The following ATP8A2 variants were observed in gnomAD, a reference collection of about 807,000 sequenced individuals.
ATP8A2 encodes the protein phospholipid-transporting ATPase IB.
ATP8A2 carries 100 observed loss-of-function variants against 165.6 expected under a neutral mutation model. The ratio of observed to expected loss-of-function variants is 0.60; its 90% CI spans 0.51 to 0.71. The LOEUF (loss-of-function observed/expected upper bound fraction) is 0.71. ATP8A2 is among the 30% of genes least tolerant of loss of function. The pLI is 0.00. For synonymous variants in ATP8A2, 543 were observed against 548.8 expected (o/e 0.99, Z 0.15); for missense variants, 1,227 against 1,479.5 (o/e 0.83, Z 2.80).
At chr13:25,958,197 A>T (rs938171217) in intron 33 of ATP8A2, among the ~76,000 whole-genome samples, 1 of 151,934 alleles carries the variant, frequency 6.6e-6, no homozygotes, top group Non-Finnish European at 1.5e-5. Context: ...TTTCTAATGT[A>T]GGTGATGGGT....
At chr13:25,907,540 T>G (rs1204225715) in intron 33 of ATP8A2, among the ~76,000 whole-genome samples, 1 of 152,182 alleles carries the variant, frequency 6.6e-6, no homozygotes, top group Non-Finnish European at 1.5e-5. Context: ...AGAGGTTTAT[T>G]GACTGAGCCA....
intron 33 of ATP8A2, among the ~76,000 whole-genome samples, chr13:25,922,219 A>C (rs1033003686): frequency 6.6e-6 from 1 of 152,224 alleles, no homozygotes; most frequent in African/African-American, 2.4e-5. Flanking sequence ...CTCTGTGGTC[A>C]GTTTATTATG....
intron 25 of ATP8A2, among the ~76,000 whole-genome samples, chr13:25,739,502 C>T (rs904505795): frequency 1.3e-5 from 2 of 151,926 alleles, no homozygotes; most frequent in Non-Finnish European, 2.9e-5. Context: ...GAGGTTTTCT[C>T]TTTTTATTTT....
intron 1 of ATP8A2, among the ~76,000 whole-genome samples, chr13:25,431,256 T>C (rs1303072461): frequency 6.6e-6 from 1 of 152,058 alleles, no homozygotes; most frequent in Admixed American, 6.5e-5. Flanking sequence ...TTCAAGTGAT[T>C]CTCCTGCCCA....
chr13:25,526,079 C>T (rs1163420884), intron 2 of ATP8A2, among the ~76,000 whole-genome samples: 1 of 151,958 alleles, frequency 6.6e-6, no homozygotes, highest in African/African-American at 2.4e-5. Context: ...CATTCTCCTA[C>T]TGACAGCCTC....
intron 24 of ATP8A2, among the ~76,000 whole-genome samples, chr13:25,660,429 C>T (rs966851476): frequency 1.3e-5 from 2 of 152,112 alleles, no homozygotes; most frequent in Non-Finnish European, 2.9e-5. Flanking sequence ...TGAATAGACA[C>T]CCAGAGGGCA....
At chr13:25,776,635 C>T (rs2044748350) in intron 27 of ATP8A2, among the ~76,000 whole-genome samples, 2 of 152,128 alleles carry the variant, frequency 1.3e-5, no homozygotes, top group South Asian at 4.1e-4. Context: ...CCCTCCTGCT[C>T]CTACATTTTT....
chr13:25,400,608 T>C (rs1019982904), intron 1 of ATP8A2, among the ~76,000 whole-genome samples: 2 of 152,238 alleles, frequency 1.3e-5, no homozygotes, highest in African/African-American at 4.8e-5. Flanking sequence ...TGAACACCAC[T>C]GAATCCTTTC....
chr13:25,647,655 T>G (rs2041707272), intron 24 of ATP8A2, among the ~76,000 whole-genome samples: 1 of 151,978 alleles, frequency 6.6e-6, no homozygotes, highest in Admixed American at 6.6e-5. Context: ...GTAAGAAAAG[T>G]TTTCAGCCAT....
chr13:25,812,975 A>G (rs2138523199), intron 27 of ATP8A2, among the ~76,000 whole-genome samples: 1 of 152,278 alleles, frequency 6.6e-6, no homozygotes, highest in East Asian at 1.9e-4. Context: ...AAACTAACGC[A>G]GAAACAGAAG....
At chr13:25,811,120 A>C (rs1232034261) in intron 27 of ATP8A2, among the ~76,000 whole-genome samples, 2 of 152,142 alleles carry the variant, frequency 1.3e-5, no homozygotes, top group Non-Finnish European at 2.9e-5. Flanking sequence ...CTTAACTAAG[A>C]GGCAGCTGTT....
At chr13:25,658,902 A>G (rs1359719688) in intron 24 of ATP8A2, among the ~76,000 whole-genome samples, 1 of 152,064 alleles carries the variant, frequency 6.6e-6, no homozygotes, top group Non-Finnish European at 1.5e-5. Flanking sequence ...ACCTGGTACT[A>G]CTGTAGTCTG....
At chr13:25,829,335 A>G (rs1593412077) in intron 28 of ATP8A2, among the ~76,000 whole-genome samples, 1 of 152,040 alleles carries the variant, frequency 6.6e-6, no homozygotes. Context: ...TAGGAGTGGT[A>G]AGAACAGGAC....
chr13:25,805,483 C>T (rs1030772374), intron 27 of ATP8A2, among the ~76,000 whole-genome samples: 12 of 152,046 alleles, frequency 7.9e-5, no homozygotes, highest in African/African-American at 2.9e-4. Flanking sequence ...TGCCACTGTA[C>T]TCCAGCCTGG....
intron 35 of ATP8A2, among the ~76,000 whole-genome samples, chr13:25,979,317 A>G (rs966099361): frequency 1.3e-5 from 2 of 152,204 alleles, no homozygotes; most frequent in African/African-American, 4.8e-5. Flanking sequence ...GAACAGAAAA[A>G]AAAATTATTC....
chr13:25,841,228 C>T (rs1345336247), intron 30 of ATP8A2, among the ~76,000 whole-genome samples: 2 of 152,168 alleles, frequency 1.3e-5, no homozygotes, highest in Non-Finnish European at 2.9e-5. Flanking sequence ...ATGTAGACTC[C>T]CAGCAGTTGC....
chr13:25,919,635 C>T (rs1471101362), intron 33 of ATP8A2, among the ~76,000 whole-genome samples: 1 of 152,106 alleles, frequency 6.6e-6, no homozygotes, highest in Non-Finnish European at 1.5e-5. Context: ...CCAGGTCAGC[C>T]CTTACCTGTC....
At chr13:25,792,832 G>A (rs2045212847) in intron 27 of ATP8A2, among the ~76,000 whole-genome samples, 1 of 151,954 alleles carries the variant, frequency 6.6e-6, no homozygotes, top group Non-Finnish European at 1.5e-5. Flanking sequence ...GCTGAGGCAG[G>A]AAGACTGATT....
intron 2 of ATP8A2, among the ~76,000 whole-genome samples, chr13:25,527,124 T>C (rs750619422): frequency 6.6e-6 from 1 of 152,162 alleles, no homozygotes; most frequent in South Asian, 2.1e-4. Context: ...TAAATTTGGT[T>C]TTTGTTTTCT....
Sources: allele counts gnomAD v4.1 joint callset (sites outside exome capture counted in the v4.1 genomes callset), GRCh38; gene constraint gnomAD v4.1.1; transcripts MANE v1.5; gene names NCBI Gene and HGNC (gene_info 2026-07-23, HGNC 2026-07-21).